The following ATP6V1A variants were observed in gnomAD, a reference collection of about 807,000 sequenced individuals.
The protein encoded by ATP6V1A is ATPase H+ transporting V1 subunit A.
A neutral mutation model predicts 70.1 loss-of-function variants in ATP6V1A; 18 were observed. The ratio of observed to expected loss-of-function variants is 0.26; its 90% CI spans 0.18 to 0.38. ATP6V1A has a LOEUF of 0.38. Among genes scored for constraint, ATP6V1A ranks in the 10% least tolerant of loss-of-function variants. The probability of loss-of-function intolerance (pLI) is 1.00; values close to 1 mark genes in which losing one functional copy is unlikely to be tolerated. For missense variants in ATP6V1A, 424 were observed against 772.4 expected (o/e 0.55, Z 5.35); for synonymous variants, 232 against 253.8 (o/e 0.91, Z 0.82).
intron 12 of ATP6V1A, among the ~76,000 whole-genome samples, chr3:113,800,476 T>C (rs1447539654): frequency 6.6e-6 from 1 of 152,124 alleles, no homozygotes; most frequent in East Asian, 1.9e-4. Flanking sequence ...GTATAAACGA[T>C]TGATATTGCA....
chr3:113,786,098 A>G, intron 5 of ATP6V1A, 134 bp from the exon 6 acceptor site: 1 of 577,784 alleles, frequency 1.7e-6, no homozygotes, highest in African/African-American at 1.9e-5. Context: ...ATTAATTATA[A>G]TAAAAAGTAT....
chr3:113,784,157 T>G, intron 3 of ATP6V1A, 67 bp from the exon 4 acceptor site: 1 of 1,430,974 alleles, frequency 7.0e-7, no homozygotes. Context: ...CTTGTTAAAC[T>G]GTGGTATTTC....
chr3:113,777,650 G>C (rs1029808902), intron 1 of ATP6V1A, among the ~76,000 whole-genome samples: 3 of 152,246 alleles, frequency 2.0e-5, no homozygotes, highest in Admixed American at 1.3e-4. Context: ...GTACTAGGGA[G>C]GATGAGGTGG....
chr3:113,799,238 A>G (rs1709184374), intron 12 of ATP6V1A, among the ~76,000 whole-genome samples: 2 of 152,194 alleles, frequency 1.3e-5, no homozygotes, highest in South Asian at 4.1e-4. Context: ...ATTAAAGAAA[A>G]TAAAATGATA....
chr3:113,775,429 C>T (rs748784821), intron 1 of ATP6V1A, among the ~76,000 whole-genome samples: 22 of 151,950 alleles, frequency 1.4e-4, no homozygotes, highest in Non-Finnish European at 2.4e-4. Context: ...AGGGTTTTGC[C>T]GTGTTGGCTA....
At chr3:113,789,900 CA>C (rs2108034302) in intron 8 of ATP6V1A, 60 bp downstream of exon 8, 1 of 1,304,192 alleles carries the variant, frequency 7.7e-7, no homozygotes, top group African/African-American at 1.5e-5. Flanking sequence ...AAGCTAGCAC[CA>C]AACTTTTCTA....
intron 1 of ATP6V1A, among the ~76,000 whole-genome samples, chr3:113,763,735 T>G (rs1013888476): frequency 6.6e-6 from 1 of 152,216 alleles, no homozygotes; most frequent in Admixed American, 6.5e-5. Context: ...GTCCTGCAAT[T>G]TCTGGAATGC....
chr3:113,767,430 T>C (rs1412902221), intron 1 of ATP6V1A, among the ~76,000 whole-genome samples: 1 of 152,146 alleles, frequency 6.6e-6, no homozygotes, highest in Non-Finnish European at 1.5e-5. Flanking sequence ...ACTGAGTTAC[T>C]GCTGTATAAG....
In ATP6V1A at chr3:113,810,272, C is replaced by A. The variant is rs1709326718; in HGVS notation, c.*845C>A. 1 of 152,148 alleles carries A rather than the reference C, an allele frequency of 6.6e-6. No individual in the cohort carries two copies. Among genetic ancestry groups the A allele is most frequent in the Non-Finnish European group, 1.5e-5 (1 of 68,128 alleles). The allele number at this position is 152,148 out of a possible 1,614,324, so 9.4% of individuals were successfully genotyped here. ...GGTCAGGCTGGTCTCGAACTCCAGA[C>A]CTCAGGTGATCCGCCCACCTCGGCC... is the stretch of plus-strand genomic sequence containing the variant. On this transcript the variant is annotated 3_prime_UTR_variant, in exon 15 of 15. Coordinates refer to ENST00000273398, the MANE Select transcript of ATP6V1A (RefSeq NM_001690.4).
chr3:113,795,889 G>A lies in ATP6V1A; in HGVS notation c.1240G>A (p.Gly414Ser), dbSNP rs1709148812. ...TTTTAAATTTAGAGTTTCTCCACCT[G>A]GTGGTGATTTTTCTGATCCAGTTAC... Reference protein sequence around the residue: ...VSIVGAVSPPGGDFSDPVTSA... With the variant: ...VSIVGAVSPPSGDFSDPVTSA... The change falls in exon 11 of 15, where the codon GGT becomes AGT. Residue 414 changes from glycine to serine, a missense_variant. By Grantham distance (56) the Gly-to-Ser change is moderately conservative. Around this residue, in one of 9 missense-constraint regions of ATP6V1A, gnomAD observed 58 missense variants for 181.5 expected, o/e 0.32. Transcript: ENST00000273398. The A allele has an allele frequency of 1.2e-6, 2 of 1,609,206 alleles. No homozygotes were observed. Among genetic ancestry groups the A allele is most frequent in the African/African-American group, 1.3e-5 (1 of 74,650 alleles).
chr3:113,791,509 T>G (rs537517570), intron 8 of ATP6V1A, among the ~76,000 whole-genome samples: 72 of 152,246 alleles, frequency 4.7e-4, no homozygotes, highest in Middle Eastern at 6.8e-3. Context: ...TGTTTAGATA[T>G]CCTGTACTGA....
Position 113,809,682 on chromosome 3 carries a change from C to T in ATP6V1A, c.*255C>T. On this transcript the variant is annotated 3_prime_UTR_variant, in exon 15 of 15. Coordinates refer to ENST00000273398, the MANE Select transcript of ATP6V1A (RefSeq NM_001690.4). ...ATATAGTAAATATACATTCTGGTTA[C>T]ACTACTGTAAACTTGTATGTAGGGT... 2 of 307,894 alleles carry T rather than the reference C, an allele frequency of 6.5e-6. No individual in the cohort carries two copies. The highest frequency in any genetic ancestry group is 8.7e-5 in the South Asian group (2 of 22,942). 19.1% of individuals were successfully genotyped at this position (307,894 alleles called of 1,614,324 possible).
chr3:113,805,842 T>G (rs535878895), intron 14 of ATP6V1A, among the ~76,000 whole-genome samples: 52 of 152,234 alleles, frequency 3.4e-4, no homozygotes, highest in Non-Finnish European at 5.4e-4. Context: ...GTGCAATGCT[T>G]CTTTTTAATT....
At chr3:113,773,404 G>T (rs890477219) in intron 1 of ATP6V1A, among the ~76,000 whole-genome samples, 2 of 152,076 alleles carry the variant, frequency 1.3e-5, no homozygotes, top group Admixed American at 1.3e-4. Context: ...TTCCTAAAGT[G>T]TGCCGTCTTT....
chr3:113,768,972 A>G (rs1708804428), intron 1 of ATP6V1A, among the ~76,000 whole-genome samples: 1 of 152,186 alleles, frequency 6.6e-6, no homozygotes, highest in African/African-American at 2.4e-5. Context: ...TTAGAACATC[A>G]TTTATTATGT....
At position 113,795,833 on chromosome 3, in the gene ATP6V1A, A is replaced by G. The variant is rs1709147747; in HGVS notation, c.1227-43A>G. On this transcript the variant is annotated intron_variant, in intron 10 of 14. Transcript: ENST00000273398. ...ATGTTATTTTTCATAAGCATTTCTAATGACCATTTTTTTTGTAATGACCAT... is the reference window on the plus strand; with the variant it reads ...ATGTTATTTTTCATAAGCATTTCTAGTGACCATTTTTTTTGTAATGACCAT... The G allele has an allele frequency of 5.4e-6, 8 of 1,493,736 alleles. No homozygotes were observed. In the South Asian group the frequency reaches 9.5e-5, roughly 18 times the overall value. 92.5% of individuals were successfully genotyped at this position (1,493,736 alleles called of 1,614,324 possible).
chr3:113,747,610 C>T (rs2108001838), intron 1 of ATP6V1A, among the ~76,000 whole-genome samples: 1 of 152,252 alleles, frequency 6.6e-6, no homozygotes, highest in South Asian at 2.1e-4. Flanking sequence ...GTGAAGCTTC[C>T]CTCCGAATGT....
At chr3:113,795,316 G>A (rs1709142430) in intron 10 of ATP6V1A, 112 bp downstream of exon 10, 3 of 1,191,788 alleles carry the variant, frequency 2.5e-6, no homozygotes, top group Non-Finnish European at 1.2e-6. Context: ...GCTGGGAGCA[G>A]CGGTTCTTAA....
At chr3:113,778,609 C>A in intron 1 of ATP6V1A, 132 bp from the exon 2 acceptor site, 1 of 466,244 alleles carries the variant, frequency 2.1e-6, no homozygotes, top group Non-Finnish European at 3.7e-6. Flanking sequence ...TTTTATTCTA[C>A]TTTGAAGAAG....
Sources: gnomAD v4.1 joint callset for allele counts (sites outside exome capture counted in the v4.1 genomes callset) on GRCh38, gnomAD v4.1.1 for gene constraint, gnomAD v4.1.1 regional missense constraint, MANE v1.5 for transcripts, NCBI Gene and HGNC (gene_info 2026-07-23, HGNC 2026-07-21) for gene names.